Variants in TTC39B observed in about 807,000 individuals in gnomAD.
The protein encoded by TTC39B is tetratricopeptide repeat domain 39B.
Under a neutral mutation model 96.6 loss-of-function variants are expected in TTC39B, and 92 were observed. The observed-to-expected ratio is 0.95, with a 90% CI of 0.80 to 1.13. The LOEUF is 1.13. Ranked by LOEUF, TTC39B falls within the 50% of genes most tolerant of loss-of-function variation. The pLI is 0.00. For missense variants in TTC39B, 955 were observed against 809.3 expected, an observed-to-expected ratio of 1.18 and a Z score of -2.18; for synonymous variants, 367 against 299.4, an observed-to-expected ratio of 1.23 and a Z score of -2.33.
chr9:15,280,655 C>A (rs181765094), intron 1 of TTC39B, among the ~76,000 whole-genome samples: 19 of 152,338 alleles, frequency 1.2e-4, no homozygotes, highest in Middle Eastern at 3.4e-3. Flanking sequence ...AAGCAGCCTC[C>A]TGGCCCTTGG....
chr9:15,218,367 G>C (rs1393790898), intron 3 of TTC39B, among the ~76,000 whole-genome samples: 1 of 151,890 alleles, frequency 6.6e-6, no homozygotes, highest in Non-Finnish European at 1.5e-5. Context: ...CATCTTTGAA[G>C]TGCTCTCACT....
chr9:15,225,568 T>C (rs1158314694), intron 3 of TTC39B, among the ~76,000 whole-genome samples: 1 of 152,194 alleles, frequency 6.6e-6, no homozygotes, highest in East Asian at 1.9e-4. Flanking sequence ...ATTATGGTTG[T>C]TTCTCCTTTC....
rs777864932 is a variant in TTC39B, at chr9:15,188,147, C to T, written c.1234-15G>A. 54 of 1,574,810 alleles carry T rather than the reference C, an allele frequency of 3.4e-5. No homozygotes were observed. Among genetic ancestry groups the T allele is most frequent in the Middle Eastern group, 1.7e-4 (1 of 5,862 alleles). On this transcript the variant is annotated splice_polypyrimidine_tract_variant and intron_variant, in intron 13 of 19. Transcript: ENST00000512701. ...ACTTCTTGTGCCTGTAAATCAAGTA[C>T]ACAAAGTTGATCGTCCAGATATTAG...
At chr9:15,240,757 T>A (rs116395397) in intron 2 of TTC39B, among the ~76,000 whole-genome samples, 3,424 of 152,312 alleles carry the variant, frequency 0.022, 119 homozygotes, top group African/African-American at 0.077. Flanking sequence ...CTACTCAATG[T>A]GTTTCTCATG....
At chr9:15,216,411 G>C (rs1039018604) in intron 3 of TTC39B, among the ~76,000 whole-genome samples, 3 of 152,226 alleles carry the variant, frequency 2.0e-5, no homozygotes, top group African/African-American at 7.2e-5. Flanking sequence ...GGATGGAGTA[G>C]AACCGAGGCA....
chr9:15,216,515 C>G (rs189757149), intron 3 of TTC39B, among the ~76,000 whole-genome samples: 1 of 152,164 alleles, frequency 6.6e-6, no homozygotes, highest in African/African-American at 2.4e-5. Flanking sequence ...AAACCTCTCA[C>G]GGCAAGATTT....
chr9:15,220,127 C>T (rs973990217), intron 3 of TTC39B, among the ~76,000 whole-genome samples: 2 of 152,306 alleles, frequency 1.3e-5, no homozygotes, highest in South Asian at 2.1e-4. Flanking sequence ...CAAGTTTACT[C>T]TTCAGAGACT....
At chr9:15,181,786 C>T (rs919752388) in intron 17 of TTC39B, among the ~76,000 whole-genome samples, 1 of 152,208 alleles carries the variant, frequency 6.6e-6, no homozygotes, top group Non-Finnish European at 1.5e-5. Flanking sequence ...AATTCCAATG[C>T]TGGGCTTCCT....
rs1486315109 is a variant in TTC39B, at chr9:15,251,735, A to G, written c.275+16179T>C. Among the ~76,000 whole-genome samples, 19 of 123,894 alleles carry G rather than the reference A, an allele frequency of 1.5e-4. No homozygotes were observed. In the East Asian group the frequency reaches 4.0e-3, roughly 26 times the overall value. 81.3% of individuals were successfully genotyped at this position (123,894 alleles called of 152,430 possible). On this transcript the variant is annotated intron_variant, in intron 2 of 19. Coordinates refer to ENST00000512701, the Ensembl canonical transcript of TTC39B. ...TATATATATATATATATATATATAT[A>G]TGTAGTATATATGGAGGGGACAAGA... is the stretch of plus-strand genomic sequence containing the variant.
rs547983230 is a variant in TTC39B, at chr9:15,237,801, C to A, written c.276-11789G>T. ...AACACCTTCTGTGAATCCAGGATCACCCTGATACTAAAATCAGACAAGGAC... is the reference window on the plus strand; with the variant it reads ...AACACCTTCTGTGAATCCAGGATCAACCTGATACTAAAATCAGACAAGGAC... On this transcript the variant is annotated intron_variant, in intron 2 of 19. Coordinates refer to ENST00000512701, the Ensembl canonical transcript of TTC39B. Among the ~76,000 whole-genome samples the A allele has an allele frequency of 1.1e-3, 162 of 152,196 alleles. 1 individual carries two copies. Among genetic ancestry groups the A allele is most frequent in the African/African-American group, 3.7e-3 (154 of 41,536 alleles).
At chr9:15,251,076 G>A (rs1213924300) in intron 2 of TTC39B, among the ~76,000 whole-genome samples, 4 of 152,000 alleles carry the variant, frequency 2.6e-5, no homozygotes, top group East Asian at 1.9e-4. Context: ...CACGCCTGTA[G>A]TCCCAGCTAC....
intron 2 of TTC39B, among the ~76,000 whole-genome samples, chr9:15,257,098 C>T (rs1312759047): frequency 6.6e-6 from 1 of 152,154 alleles, no homozygotes; most frequent in African/African-American, 2.4e-5. Context: ...GGTGTGACAA[C>T]AGTCTTGTGA....
intron 3 of TTC39B, among the ~76,000 whole-genome samples, chr9:15,223,589 T>G (rs1276790394): frequency 6.6e-6 from 1 of 152,178 alleles, no homozygotes; most frequent in African/African-American, 2.4e-5. Flanking sequence ...CCACACTTCT[T>G]GTCCACATCC....
chr9:15,283,043 C>T (rs149158733), intron 1 of TTC39B, among the ~76,000 whole-genome samples: 1 of 152,208 alleles, frequency 6.6e-6, no homozygotes, highest in East Asian at 1.9e-4. Flanking sequence ...TCACGTCTGC[C>T]CTCCCTCCAG....
intron 16 of TTC39B, among the ~76,000 whole-genome samples, chr9:15,184,996 A>C (rs1247706306): frequency 6.6e-6 from 1 of 152,186 alleles, no homozygotes; most frequent in South Asian, 2.1e-4. Flanking sequence ...AAATTTCTTC[A>C]CTAAAAAATG....
intron 7 of TTC39B, among the ~76,000 whole-genome samples, chr9:15,200,867 C>G (rs1251923887): frequency 6.6e-6 from 1 of 152,080 alleles, no homozygotes; most frequent in Non-Finnish European, 1.5e-5. Context: ...GGCATGGTGG[C>G]GGGTGCCTGT....
intron 2 of TTC39B, among the ~76,000 whole-genome samples, chr9:15,237,152 T>TA (rs1436373363): frequency 6.6e-6 from 1 of 152,002 alleles, no homozygotes. Flanking sequence ...TCATCTCCAT[T>TA]AAAAATACAA....
At chr9:15,225,035 T>A (rs572445472) in intron 3 of TTC39B, among the ~76,000 whole-genome samples, 1 of 152,304 alleles carries the variant, frequency 6.6e-6, no homozygotes, top group Non-Finnish European at 1.5e-5. Flanking sequence ...GAAAAGTACT[T>A]TCTCATGTAC....
chr9:15,192,792 C>T (rs1045582430), intron 8 of TTC39B, 97 bp from the exon 9 acceptor site: 9 of 803,048 alleles, frequency 1.1e-5, no homozygotes, highest in Non-Finnish European at 1.6e-5. Context: ...AAATAAATGT[C>T]ATTAATTAAA....
Sources: allele counts gnomAD v4.1 joint callset (sites outside exome capture counted in the v4.1 genomes callset), GRCh38; gene constraint gnomAD v4.1.1; transcripts MANE v1.5; gene names NCBI Gene and HGNC (gene_info 2026-07-23, HGNC 2026-07-21).